The following PRPF6 variants were observed in gnomAD, a reference collection of about 807,000 sequenced individuals.
PRPF6 encodes pre-mRNA-processing factor 6.
Under a neutral mutation model 118.3 loss-of-function variants are expected in PRPF6, and 42 were observed. That is an observed-to-expected ratio of 0.35 (90% CI 0.28 to 0.46). PRPF6 has a LOEUF of 0.46. PRPF6 is among the 20% of genes least tolerant of loss of function. The pLI is 1.00. For synonymous variants in PRPF6, 481 were observed against 485.1 expected (o/e 0.99, Z 0.11); for missense variants, 662 against 1,255.7 (o/e 0.53, Z 7.15).
intron 2 of PRPF6, 59 bp from the exon 3 acceptor site, chr20:63,984,848 G>A (rs899861421): frequency 2.1e-5 from 25 of 1,216,350 alleles, no homozygotes; most frequent in South Asian, 3.7e-5. Flanking sequence ...TCTCCGTTTC[G>A]CTGGTGGGGA....
intron 2 of PRPF6, among the ~76,000 whole-genome samples, chr20:63,984,278 G>A (rs1381855124): frequency 3.9e-5 from 6 of 152,014 alleles, no homozygotes; most frequent in African/African-American, 1.2e-4. Flanking sequence ...AAAATTAGCC[G>A]GGCATGGTGG....
Position 64,028,650 on chromosome 20 carries a change from C to T in PRPF6, c.2431+81C>T. 1 of 1,500,916 alleles carries T rather than the reference C, an allele frequency of 6.7e-7. No homozygotes were observed. Among genetic ancestry groups the T allele is most frequent in the Non-Finnish European group, 9.1e-7 (1 of 1,097,054 alleles). 93.0% of individuals were successfully genotyped at this position (1,500,916 alleles called of 1,614,324 possible). A position where few individuals can be genotyped will look rare whatever the true frequency, so the allele number is the denominator to read the frequency against. ...CCTTGACTCCGGTAAGGGGGTGCTTCCTGGCTTCCCAGACTCCGCAGGGCT... is the reference window on the plus strand; with the variant it reads ...CCTTGACTCCGGTAAGGGGGTGCTTTCTGGCTTCCCAGACTCCGCAGGGCT... On this transcript the variant is annotated intron_variant, in intron 18 of 20. Transcript: ENST00000266079. This position sits in a 1 kb window ranked among gnomAD's most constrained non-coding sequence, Gnocchi z 6.5.
intron 4 of PRPF6, 147 bp from the exon 5 acceptor site, chr20:63,994,769 A>C (rs1337613574): frequency 9.3e-7 from 1 of 1,070,490 alleles, no homozygotes; most frequent in Non-Finnish European, 1.4e-6. Context: ...GACCCATCTC[A>C]AAACAAAAGT....
intron 1 of PRPF6, among the ~76,000 whole-genome samples, chr20:63,981,966 A>C (rs2059071106): frequency 1.3e-5 from 2 of 151,982 alleles, no homozygotes; most frequent in African/African-American, 4.8e-5. Flanking sequence ...GGGCTGTAGA[A>C]ACGGTGACGA....
chr20:64,006,678 T>TGGAGACGGGACTTGTGGCAGC (rs1202598765), intron 9 of PRPF6, among the ~76,000 whole-genome samples: 3 of 152,168 alleles, frequency 2.0e-5, no homozygotes, highest in African/African-American at 7.2e-5. Context: ...CTCTTGGCAG[T>TGGAGACGGGACTTGTGGCAGC]GGAGACGGGA....
chr20:64,009,196 G>T (rs932830120), intron 9 of PRPF6, among the ~76,000 whole-genome samples: 13 of 146,278 alleles, frequency 8.9e-5, no homozygotes, highest in Admixed American at 2.2e-4. Flanking sequence ...CAGGAGAATC[G>T]CTTGAACCCG....
chr20:63,993,579 C>A, intron 4 of PRPF6, 94 bp downstream of exon 4: 1 of 1,068,862 alleles, frequency 9.4e-7, no homozygotes, highest in Non-Finnish European at 1.4e-6. Context: ...ATTTATGAGA[C>A]TTTACGTTTT....
chr20:63,999,528 G>GCACCCACT, intron 7 of PRPF6, 75 bp from the exon 8 acceptor site: 1 of 1,568,210 alleles, frequency 6.4e-7, no homozygotes, highest in Non-Finnish European at 8.8e-7. Flanking sequence ...ACTGTGAAGT[G>GCACCCACT]GGTGCCCTCA....
At chr20:63,982,999 C>G (rs1454143462) in intron 1 of PRPF6, 48 bp from the exon 2 acceptor site, 8 of 1,603,534 alleles carry the variant, frequency 5.0e-6, no homozygotes, top group Non-Finnish European at 6.0e-6. Flanking sequence ...GAGAAGAGCA[C>G]AGGAACAGAG....
intron 3 of PRPF6, among the ~76,000 whole-genome samples, chr20:63,985,518 G>C (rs2059089316): frequency 6.6e-6 from 1 of 152,222 alleles, no homozygotes; most frequent in Non-Finnish European, 1.5e-5. Context: ...GGGGGCTGCA[G>C]TGGAGAGCTT....
In PRPF6 at chr20:64,029,403, C is replaced by T. The variant is rs1436862487; in HGVS notation, c.2458C>T (p.Leu820Phe). 1.2e-6 allele frequency: 2 copies of T among 1,614,160 alleles called. No homozygotes were observed. The highest frequency in any genetic ancestry group is 1.1e-5 in the South Asian group (1 of 91,088). The change falls in exon 19 of 21, where the codon CTC becomes TTC. Residue 820 changes from leucine (L) to phenylalanine (F), a missense_variant. Leu to Phe is a conservative substitution (Grantham distance 22). Around this residue, in one of 10 missense-constraint regions of PRPF6, gnomAD observed 244 missense variants for 383.7 expected, o/e 0.64. Coordinates refer to ENST00000266079, the MANE Select transcript of PRPF6 (RefSeq NM_012469.4). The surrounding 1 kb of genome is among the most constrained non-coding windows in gnomAD (Gnocchi z 4.8). ...TATCCTGTGGTCTGAGGCCATCTTC[C>T]TCGAGGCAAGGCCCCAGAGGAGGAC... ...SGILWSEAIF[L>F]EARPQRRTKS...
chr20:64,017,115 TG>T (rs2059241878), intron 12 of PRPF6, among the ~76,000 whole-genome samples: 1 of 152,158 alleles, frequency 6.6e-6, no homozygotes. Flanking sequence ...GCTAATTTTT[TG>T]TATTTTTAGT....
At position 63,988,366 on chromosome 20, in the gene PRPF6, G is replaced by A. The variant is rs557069804; in HGVS notation, c.359+3341G>A. On this transcript the variant is annotated intron_variant, in intron 3 of 20. Coordinates refer to ENST00000266079, the MANE Select transcript of PRPF6 (RefSeq NM_012469.4). ...ACAAAAATTAGCCGGGTGTGGGGGT[G>A]CACGCCTGTAGTCCCAGCTAGTTGG... Among the ~76,000 whole-genome samples, 13 of 149,654 alleles carry A rather than the reference G, an allele frequency of 8.7e-5. No individual in the cohort carries two copies. In the South Asian group the frequency reaches 1.9e-3, roughly 22 times the overall value.
intron 3 of PRPF6, among the ~76,000 whole-genome samples, chr20:63,987,221 A>T (rs962267818): frequency 6.7e-6 from 1 of 149,030 alleles, no homozygotes. Context: ...TAAAAGCTAT[A>T]TACAGCTGGA....
intron 3 of PRPF6, among the ~76,000 whole-genome samples, chr20:63,990,806 G>A (rs553036416): frequency 2.0e-5 from 3 of 151,998 alleles, no homozygotes; most frequent in Non-Finnish European, 4.4e-5. Flanking sequence ...CGCCACGCCC[G>A]GCTGATTTTT....
At chr20:64,001,430 C>T (rs1308579449) in intron 9 of PRPF6, among the ~76,000 whole-genome samples, 191 bp downstream of exon 9, 1 of 152,188 alleles carries the variant, frequency 6.6e-6, no homozygotes, top group Non-Finnish European at 1.5e-5. Context: ...GGGCAAGTTC[C>T]CATCCTGGAA....
intron 12 of PRPF6, among the ~76,000 whole-genome samples, chr20:64,022,018 A>ATGTGTG (rs2059269162): frequency 1.3e-5 from 1 of 74,252 alleles, no homozygotes; most frequent in African/African-American, 6.1e-5. Flanking sequence ...GTGTGTGTGC[A>ATGTGTG]TGCACGTATG....
intron 10 of PRPF6, among the ~76,000 whole-genome samples, 175 bp downstream of exon 10, chr20:64,010,493 A>G (rs1601523458): frequency 6.6e-6 from 1 of 152,256 alleles, no homozygotes; most frequent in Non-Finnish European, 1.5e-5. Context: ...GCCGCTAGGC[A>G]GGGTGGTCAG....
Position 63,981,158 on chromosome 20 carries a change from A to G in PRPF6, c.-88A>G. The G allele has an allele frequency of 2.9e-6, 4 of 1,380,702 alleles. No homozygotes were observed. In the Middle Eastern group the frequency reaches 5.3e-4, roughly 182 times the overall value. 85.5% of individuals were successfully genotyped at this position (1,380,702 alleles called of 1,614,324 possible). A position where few individuals can be genotyped will look rare whatever the true frequency, so the allele number is the denominator to read the frequency against. The stretch of plus-strand genomic sequence containing the variant: ...ACGGCGACACTTTGCTACGGAGTGC[A>G]TCGGACGTCGAAGCCTAGAGTCTCT... On this transcript the variant is annotated 5_prime_UTR_variant, in exon 1 of 21. Transcript: ENST00000266079.
Sources: gnomAD v4.1 joint callset for allele counts (sites outside exome capture counted in the v4.1 genomes callset) on GRCh38, gnomAD v4.1.1 for gene constraint, gnomAD v4.1.1 regional missense constraint, Gnocchi (gnomAD v3.1) non-coding constraint, MANE v1.5 for transcripts, NCBI Gene and HGNC (gene_info 2026-07-23, HGNC 2026-07-21) for gene names.